NAALADL2: variants seen among roughly 807,000 people sequenced by gnomAD.
NAALADL2 encodes inactive N-acetylated-alpha-linked acidic dipeptidase-like protein 2.
A neutral mutation model predicts 87.2 loss-of-function variants in NAALADL2; 76 were observed. That is an observed-to-expected ratio of 0.87 (90% CI 0.72 to 1.05). The LOEUF (loss-of-function observed/expected upper bound fraction) is 1.05, where lower values mean the gene tolerates loss of function less well. Among genes scored for constraint, NAALADL2 ranks in the 50% least tolerant of loss-of-function variants. The pLI, the probability that NAALADL2 is intolerant of heterozygous loss-of-function variation, is 0.00. For missense variants in NAALADL2, 1,089 were observed against 945.8 expected (o/e 1.15, Z -1.99); for synonymous variants, 354 against 331.0 (o/e 1.07, Z -0.75).
At chr3:174,779,932 T>G (rs1264707260) in intron 3 of NAALADL2, among the ~76,000 whole-genome samples, 1 of 151,364 alleles carries the variant, frequency 6.6e-6, no homozygotes, top group Non-Finnish European at 1.5e-5. Context: ...GTTCTTTTGC[T>G]TAGGGTTGTC....
At chr3:175,302,509 C>T (rs1183670360) in intron 4 of NAALADL2, among the ~76,000 whole-genome samples, 1 of 152,002 alleles carries the variant, frequency 6.6e-6, no homozygotes, top group Non-Finnish European at 1.5e-5. Context: ...CGAGGAAATG[C>T]AAATAGTACA....
At chr3:174,803,949 C>A (rs1188569369) in intron 3 of NAALADL2, among the ~76,000 whole-genome samples, 2 of 152,022 alleles carry the variant, frequency 1.3e-5, no homozygotes, top group Non-Finnish European at 2.9e-5. Flanking sequence ...CGTGGCTATG[C>A]GGGCTCTTTT....
intron 1 of NAALADL2, among the ~76,000 whole-genome samples, chr3:174,514,491 C>G (rs935710772): frequency 1.3e-5 from 2 of 152,018 alleles, no homozygotes; most frequent in South Asian, 4.1e-4. Context: ...TGAATCTAAT[C>G]AAGGATTATG....
chr3:175,140,647 T>C (rs959750625), intron 2 of NAALADL2, among the ~76,000 whole-genome samples: 1 of 152,070 alleles, frequency 6.6e-6, no homozygotes, highest in African/African-American at 2.4e-5. Context: ...AACGAAAACA[T>C]TACGTTTGGC....
At chr3:175,084,099 C>T (rs1718404435) in intron 1 of NAALADL2, among the ~76,000 whole-genome samples, 1 of 152,078 alleles carries the variant, frequency 6.6e-6, no homozygotes, top group South Asian at 2.1e-4. Context: ...TATGTTGGTG[C>T]AGAATAGGAT....
At chr3:175,222,646 C>T (rs910245413) in intron 2 of NAALADL2, among the ~76,000 whole-genome samples, 1 of 152,054 alleles carries the variant, frequency 6.6e-6, no homozygotes, top group Non-Finnish European at 1.5e-5. Flanking sequence ...ATTTTGGCCT[C>T]AGGACTCCTT....
At chr3:175,506,807 T>A (rs528611776) in intron 9 of NAALADL2, among the ~76,000 whole-genome samples, 159 of 152,306 alleles carry the variant, frequency 1.0e-3, no homozygotes, top group African/African-American at 3.7e-3. Context: ...TCATAAAAAA[T>A]TCTCCATACT....
chr3:174,575,045 T>C (rs970609609), intron 2 of NAALADL2, among the ~76,000 whole-genome samples: 2 of 152,094 alleles, frequency 1.3e-5, no homozygotes, highest in Admixed American at 1.3e-4. Context: ...ATGTAATGGC[T>C]GTGTCATAGG....
chr3:174,872,448 G>A (rs900452108), intron 1 of NAALADL2, among the ~76,000 whole-genome samples: 2 of 152,114 alleles, frequency 1.3e-5, no homozygotes, highest in African/African-American at 4.8e-5. Flanking sequence ...ATAGAGATAG[G>A]CTCCTTCAGT....
intron 13 of NAALADL2, among the ~76,000 whole-genome samples, chr3:175,788,236 G>A (rs1375930313): frequency 1.3e-5 from 2 of 151,878 alleles, no homozygotes; most frequent in South Asian, 2.1e-4. Flanking sequence ...GGGACTACAG[G>A]TGTGTGCCAC....
intron 2 of NAALADL2, among the ~76,000 whole-genome samples, chr3:175,206,276 C>CTG (rs143468615): frequency 1.8e-5 from 2 of 110,382 alleles, no homozygotes; most frequent in African/African-American, 4.9e-5. Flanking sequence ...TTTTTTTTCA[C>CTG]TGTGTGTGTG....
intron 5 of NAALADL2, among the ~76,000 whole-genome samples, chr3:175,402,519 G>A (rs1711514050): frequency 6.6e-6 from 1 of 151,918 alleles, no homozygotes; most frequent in Admixed American, 6.6e-5. Flanking sequence ...TTTTATCTGA[G>A]TCTTGCTTAC....
chr3:174,441,452 G>C (rs1371354606), intron 1 of NAALADL2, among the ~76,000 whole-genome samples: 1 of 152,168 alleles, frequency 6.6e-6, no homozygotes, highest in African/African-American at 2.4e-5. Flanking sequence ...AGCCCGACAC[G>C]GCGCGCTAGC....
At chr3:175,347,084 T>C (rs1334145095) in intron 5 of NAALADL2, among the ~76,000 whole-genome samples, 3 of 152,148 alleles carry the variant, frequency 2.0e-5, no homozygotes, top group Non-Finnish European at 4.4e-5. Context: ...AAGCCTGTGC[T>C]GCTGCTATTA....
chr3:175,404,454 T>C (rs1480102302), intron 5 of NAALADL2, among the ~76,000 whole-genome samples: 2 of 152,154 alleles, frequency 1.3e-5, no homozygotes, highest in African/African-American at 2.4e-5. Context: ...TGAAGGAAGA[T>C]CAGTTGCAAA....
At chr3:175,584,298 A>G (rs1424312543) in intron 10 of NAALADL2, among the ~76,000 whole-genome samples, 18 of 152,006 alleles carry the variant, frequency 1.2e-4, no homozygotes, top group Admixed American at 9.2e-4. Flanking sequence ...TGTCCTCCCA[A>G]AGTGCTGGGA....
chr3:175,149,606 T>C (rs1304062910), intron 2 of NAALADL2, among the ~76,000 whole-genome samples: 1 of 152,184 alleles, frequency 6.6e-6, no homozygotes, highest in African/African-American at 2.4e-5. Flanking sequence ...CAGGATGTCA[T>C]ATATTTGAGG....
chr3:175,573,959 T>TG (rs1193686501), intron 9 of NAALADL2, among the ~76,000 whole-genome samples: 5 of 152,224 alleles, frequency 3.3e-5, no homozygotes, highest in Non-Finnish European at 7.3e-5. Flanking sequence ...CTGCCTTGTC[T>TG]GTAAACTGAA....
chr3:175,157,367 C>T (rs542679542), intron 2 of NAALADL2, among the ~76,000 whole-genome samples: 78 of 152,122 alleles, frequency 5.1e-4, no homozygotes, highest in African/African-American at 1.1e-3. Flanking sequence ...TCTTTCAATT[C>T]TCAAAACATC....
Sources: allele counts gnomAD v4.1 joint callset (sites outside exome capture counted in the v4.1 genomes callset), GRCh38; gene constraint gnomAD v4.1.1; transcripts MANE v1.5; gene names NCBI Gene and HGNC (gene_info 2026-07-23, HGNC 2026-07-21).